Variants in C4orf51 observed in about 807,000 individuals in gnomAD.
C4orf51 encodes the protein chromosome 4 open reading frame 51.
In C4orf51, 25 loss-of-function variants were observed where a neutral mutation model predicts 25.2. That is an observed-to-expected ratio of 0.99 (90% confidence interval 0.72 to 1.39). The LOEUF (loss-of-function observed/expected upper bound fraction) is 1.39, where lower values mean the gene tolerates loss of function less well. Among genes scored for constraint, C4orf51 ranks in the 40% most tolerant of loss-of-function variants. The pLI is 0.00. For synonymous variants in C4orf51, 100 were observed against 84.5 expected (o/e 1.18, Z -1.01); for missense variants, 252 against 239.6 (o/e 1.05, Z -0.34).
rs192140908 is a variant in C4orf51 at position 145,727,598 on chromosome 4, G to A, written c.366+629G>A. On this transcript the variant is annotated intron_variant, in intron 3 of 5. Coordinates refer to ENST00000438731, the MANE Select transcript of C4orf51 (RefSeq NM_001080531.3). The stretch of plus-strand genomic sequence containing the variant: ...ACAATTTTAAAATATGCCATAGGCC[G>A]GGCACGGTGGCTCATGCCTGTAATC... Among the ~76,000 whole-genome samples, 124 of 151,670 alleles carry A rather than the reference G, an allele frequency of 8.2e-4. 1 individual carries two copies. Among genetic ancestry groups the A allele is most frequent in the Admixed American group, 8.0e-3 (121 of 15,200 alleles).
At chr4:145,777,845 T>C in the C4orf51 span, among the ~76,000 whole-genome samples, 1 of 152,336 alleles carries the variant, frequency 6.6e-6, no homozygotes, top group East Asian at 1.9e-4. Context: ...TCCAGGTTTA[T>C]GTATGAAGTG....
At chr4:145,745,610 A>T (rs1733330986) in intron 1 of C4orf51, among the ~76,000 whole-genome samples, 1 of 152,078 alleles carries the variant, frequency 6.6e-6, no homozygotes, top group Non-Finnish European at 1.5e-5. Context: ...CATTTTCTTT[A>T]TCCTTTCATC....
At chr4:145,704,471 T>A (rs1392872609) in intron 2 of C4orf51, among the ~76,000 whole-genome samples, 2 of 152,212 alleles carry the variant, frequency 1.3e-5, no homozygotes, top group African/African-American at 2.4e-5. Context: ...TATTTTAATT[T>A]CCTTCACTAT....
downstream of C4orf51, among the ~76,000 whole-genome samples, chr4:145,773,442 G>A (rs749310201): frequency 4.6e-5 from 7 of 152,188 alleles, no homozygotes; most frequent in Non-Finnish European, 8.8e-5. Context: ...CAGCACAACT[G>A]TCAGGGAAAT....
intron 2 of C4orf51, among the ~76,000 whole-genome samples, chr4:145,697,512 C>T (rs1173627526): frequency 6.6e-6 from 1 of 152,206 alleles, no homozygotes; most frequent in Non-Finnish European, 1.5e-5. Context: ...ACCAAAAATT[C>T]CCCATTTATC....
intron 1 of C4orf51, among the ~76,000 whole-genome samples, chr4:145,764,443 T>C (rs576151634): frequency 2.6e-5 from 4 of 152,342 alleles, no homozygotes; most frequent in African/African-American, 9.6e-5. Context: ...ATGATGCTCG[T>C]TGTCTAGATC....
downstream of C4orf51, chr4:145,758,764 C>G (rs1471392426): frequency 6.6e-6 from 1 of 152,204 alleles, no homozygotes; most frequent in Non-Finnish European, 1.5e-5. Context: ...TTGGGAGCTT[C>G]CCGCTCCCTG....
chr4:145,760,637 T>C (rs1380115193), intron 1 of C4orf51: 7 of 394,068 alleles, frequency 1.8e-5, no homozygotes, highest in Non-Finnish European at 2.2e-5. Context: ...ACTAAAGATA[T>C]ACAGTACACA....
intron 5 of C4orf51, among the ~76,000 whole-genome samples, chr4:145,730,466 A>G (rs1732398813): frequency 2.0e-5 from 3 of 152,178 alleles, no homozygotes; most frequent in Admixed American, 2.0e-4. Flanking sequence ...CTCAAACCCC[A>G]GGGCTTTTAA....
intron 1 of C4orf51, among the ~76,000 whole-genome samples, chr4:145,768,180 T>C (rs1021905547): frequency 3.3e-5 from 5 of 152,202 alleles, no homozygotes; most frequent in Non-Finnish European, 7.4e-5. Flanking sequence ...TACTCTTTTT[T>C]TGGAGACAGG....
chr4:145,707,000 G>T (rs55790753), intron 2 of C4orf51, among the ~76,000 whole-genome samples: 2 of 152,098 alleles, frequency 1.3e-5, no homozygotes, highest in Non-Finnish European at 2.9e-5. Context: ...ATTTTTAATA[G>T]AGACGGGGTT....
chr4:145,775,636 A>G (rs1736949647), downstream of C4orf51, among the ~76,000 whole-genome samples: 1 of 152,192 alleles, frequency 6.6e-6, no homozygotes, highest in Admixed American at 6.5e-5. Flanking sequence ...GTGCAACTGC[A>G]GGGCTCAATC....
intron 1 of C4orf51, among the ~76,000 whole-genome samples, chr4:145,748,929 T>G (rs74451601): frequency 0.08 from 12,179 of 152,048 alleles, 548 homozygotes; most frequent in Middle Eastern, 0.12. Flanking sequence ...TTGTTAATTT[T>G]CTGTCTGGAA....
rs1298223078 is a variant in C4orf51, at chr4:145,765,165, C to T, written n.167-5823C>T. The T allele has an allele frequency of 1.2e-6, 2 of 1,600,868 alleles. No homozygotes were observed. Among genetic ancestry groups the T allele is most frequent in the South Asian group, 1.1e-5 (1 of 87,664 alleles). On this transcript the variant is annotated intron_variant and non_coding_transcript_variant, in intron 1 of 1. Coordinates refer to the C4orf51 transcript ENST00000510096. The surrounding 1 kb of genome is among the most constrained non-coding windows in gnomAD (Gnocchi z 4.7). ...AAAGTTGCAAAAAACACATTCGAAC[C>T]CTGCAAGGACCGAAGCTGGGTATAG...
At chr4:145,738,476 AT>A (rs1732931451) in intron 1 of C4orf51, among the ~76,000 whole-genome samples, 1 of 151,620 alleles carries the variant, frequency 6.6e-6, no homozygotes, top group Non-Finnish European at 1.5e-5. Context: ...ATATATATAT[AT>A]AGACACACAC....
chr4:145,772,589 G>T (rs1252269266), downstream of C4orf51, among the ~76,000 whole-genome samples: 1 of 152,144 alleles, frequency 6.6e-6, no homozygotes, highest in African/African-American at 2.4e-5. Context: ...CTACTTTCAA[G>T]TTTCAACAGC....
chr4:145,765,710 T>G lies in C4orf51; in HGVS notation n.167-5278T>G, dbSNP rs1235839689. 9 of 1,614,128 alleles carry G rather than the reference T, an allele frequency of 5.6e-6. No homozygotes were observed. The highest frequency in any genetic ancestry group is 7.6e-6 in the Non-Finnish European group (9 of 1,179,994). On this transcript the variant is annotated intron_variant and non_coding_transcript_variant, in intron 1 of 1. Coordinates refer to the C4orf51 transcript ENST00000510096. This position sits in a 1 kb window ranked among gnomAD's most constrained non-coding sequence, Gnocchi z 4.7. ...AGAGGGAGGATGAAGAGGGGCTATTTGATTCGCTGGGGGTCTTCCTGTCTT... is the reference window on the plus strand; with the variant it reads ...AGAGGGAGGATGAAGAGGGGCTATTGGATTCGCTGGGGGTCTTCCTGTCTT...
chr4:145,720,618 A>G (rs550434421), intron 2 of C4orf51, among the ~76,000 whole-genome samples: 62 of 152,302 alleles, frequency 4.1e-4, no homozygotes, highest in African/African-American at 1.4e-3. Context: ...ATTGCCTAGC[A>G]GAGACTGATT....
chr4:145,719,021 T>C (rs1402815697), intron 2 of C4orf51, among the ~76,000 whole-genome samples: 2 of 152,204 alleles, frequency 1.3e-5, no homozygotes, highest in Non-Finnish European at 2.9e-5. Flanking sequence ...TTGCTTTCTG[T>C]GTATTATGGT....
Sources: gnomAD v4.1 joint callset for allele counts (sites outside exome capture counted in the v4.1 genomes callset) on GRCh38, gnomAD v4.1.1 for gene constraint, Gnocchi (gnomAD v3.1) non-coding constraint, MANE v1.5 for transcripts, NCBI Gene and HGNC (gene_info 2026-07-23, HGNC 2026-07-21) for gene names.